RIMS2: variants seen among roughly 807,000 people sequenced by gnomAD.
RIMS2 encodes the protein regulating synaptic membrane exocytosis 2, also known as regulating synaptic membrane exocytosis protein 2.
In RIMS2, 59 loss-of-function variants were observed where a neutral mutation model predicts 174.4. The ratio of observed to expected loss-of-function variants is 0.34; its 90% CI spans 0.27 to 0.42. RIMS2 has a LOEUF of 0.42. Among genes scored for constraint, RIMS2 ranks in the 10% least tolerant of loss-of-function variants. The pLI is 1.00. For missense variants in RIMS2, 1,620 were observed against 1,666.3 expected (o/e 0.97, Z 0.48); for synonymous variants, 606 against 572.5 (o/e 1.06, Z -0.84).
intron 1 of RIMS2, among the ~76,000 whole-genome samples, chr8:103,676,994 A>G (rs2096823284): frequency 6.6e-6 from 1 of 152,134 alleles, no homozygotes; most frequent in African/African-American, 2.4e-5. Context: ...AAATAAATAA[A>G]ATATACTTTT....
chr8:104,139,130 T>C (rs952602536), intron 19 of RIMS2, among the ~76,000 whole-genome samples: 1 of 152,164 alleles, frequency 6.6e-6, no homozygotes, highest in African/African-American at 2.4e-5. Context: ...TCTATATGTC[T>C]GTTTTTATTC....
chr8:103,552,384 C>T (rs1390386522), intron 1 of RIMS2, among the ~76,000 whole-genome samples: 1 of 152,158 alleles, frequency 6.6e-6, no homozygotes, highest in Non-Finnish European at 1.5e-5. Flanking sequence ...GCTGGGAAAA[C>T]TGGCTAGCCA....
At chr8:104,047,828 T>A (rs1395193390) in intron 19 of RIMS2, among the ~76,000 whole-genome samples, 1 of 152,100 alleles carries the variant, frequency 6.6e-6, no homozygotes, top group Non-Finnish European at 1.5e-5. Context: ...CCTGTACTCT[T>A]AAGCTTTATC....
chr8:104,222,459 C>T (rs2138581653), intron 19 of RIMS2, among the ~76,000 whole-genome samples: 1 of 152,318 alleles, frequency 6.6e-6, no homozygotes, highest in East Asian at 1.9e-4. Flanking sequence ...TCCCCTATTA[C>T]ACACGCCCAG....
chr8:103,692,308 C>G (rs999226264), intron 1 of RIMS2, among the ~76,000 whole-genome samples: 19 of 152,238 alleles, frequency 1.2e-4, no homozygotes, highest in African/African-American at 4.3e-4. Flanking sequence ...GAGTTGCTTC[C>G]TCTTCCCAGA....
chr8:104,065,085 C>A (rs2097081128), intron 19 of RIMS2, among the ~76,000 whole-genome samples: 1 of 151,842 alleles, frequency 6.6e-6, no homozygotes, highest in Non-Finnish European at 1.5e-5. Flanking sequence ...ATTATTTCAA[C>A]AATATATAAA....
At chr8:104,101,834 CTTTA>C (rs1261893577) in intron 19 of RIMS2, among the ~76,000 whole-genome samples, 1 of 152,110 alleles carries the variant, frequency 6.6e-6, no homozygotes, top group Non-Finnish European at 1.5e-5. Flanking sequence ...ATCAGGCAAA[CTTTA>C]TTTAGAATTT....
intron 19 of RIMS2, among the ~76,000 whole-genome samples, chr8:104,170,180 G>T (rs968535292): frequency 1.3e-5 from 2 of 151,962 alleles, no homozygotes; most frequent in African/African-American, 2.4e-5. Flanking sequence ...TGTTAAGTTC[G>T]TTTGTTCTAT....
At chr8:103,846,629 A>G (rs1025418817) in intron 3 of RIMS2, among the ~76,000 whole-genome samples, 2 of 152,212 alleles carry the variant, frequency 1.3e-5, no homozygotes, top group South Asian at 2.1e-4. Flanking sequence ...GATAAAGGAG[A>G]TTTGGATAAG....
In RIMS2 at chr8:103,590,265, G is replaced by A. The variant is rs534011426; in HGVS notation, c.176+89203G>A. Among the ~76,000 whole-genome samples, 170 of 151,402 alleles carry A rather than the reference G, an allele frequency of 1.1e-3. No individual in the cohort carries two copies. The South Asian group carries it at 0.012, about 11-fold the overall frequency. ...ACAAAAAAGAGAAAAACCTCAACGT[G>A]TCACCAAAAAACTGTTAGAACTTTT... On this transcript the variant is annotated intron_variant, in intron 1 of 23. Coordinates refer to ENST00000504942, the Ensembl canonical transcript of RIMS2.
intron 19 of RIMS2, among the ~76,000 whole-genome samples, chr8:104,104,185 TA>T (rs2097977568): frequency 6.6e-6 from 1 of 152,178 alleles, no homozygotes; most frequent in African/African-American, 2.4e-5. Flanking sequence ...TATAAGAGTT[TA>T]AAAGTTGAGT....
intron 3 of RIMS2, among the ~76,000 whole-genome samples, chr8:103,825,772 G>A (rs953490023): frequency 9.9e-5 from 15 of 151,908 alleles, no homozygotes; most frequent in Admixed American, 7.2e-4. Context: ...GGATCATAGC[G>A]TGGGTGTATG....
At chr8:103,936,368 G>A (rs1595463210) in intron 12 of RIMS2, among the ~76,000 whole-genome samples, 183 bp from the exon 15 acceptor site, 2 of 152,044 alleles carry the variant, frequency 1.3e-5, no homozygotes, top group African/African-American at 2.4e-5. Flanking sequence ...TACCTATAAA[G>A]TGTGATATAG....
chr8:104,093,451 T>C lies in RIMS2; in HGVS notation c.3334+78836T>C. 1 of 1,550,474 alleles carries C rather than the reference T, an allele frequency of 6.4e-7. No homozygotes were observed. Among genetic ancestry groups the C allele is most frequent in the Non-Finnish European group, 8.7e-7 (1 of 1,149,084 alleles). ...GGTAATACTGACAACTTCTGCGTAT[T>C]TGTCAATCTGTGTTAACAGTATCGA... On this transcript the variant is annotated intron_variant, in intron 19 of 23. Transcript: ENST00000504942.
intron 19 of RIMS2, among the ~76,000 whole-genome samples, chr8:104,083,287 A>G (rs2097461668): frequency 6.6e-6 from 1 of 152,146 alleles, no homozygotes; most frequent in Non-Finnish European, 1.5e-5. Context: ...CTAAAGTACT[A>G]ATAATTGAAA....
chr8:103,538,166 C>T (rs1840722026), intron 1 of RIMS2, among the ~76,000 whole-genome samples: 1 of 152,000 alleles, frequency 6.6e-6, no homozygotes, highest in Non-Finnish European at 1.5e-5. Flanking sequence ...TTGATAGAAA[C>T]CAACAAAGAC....
intron 3 of RIMS2, among the ~76,000 whole-genome samples, chr8:103,816,075 A>C (rs1023120373): frequency 6.6e-6 from 1 of 152,184 alleles, no homozygotes; most frequent in Non-Finnish European, 1.5e-5. Flanking sequence ...AACCTGCACT[A>C]TATTGAAAAT....
intron 3 of RIMS2, chr8:103,880,443 A>C (rs1368162555): frequency 2.8e-6 from 1 of 360,728 alleles, no homozygotes; most frequent in Non-Finnish European, 4.9e-6. Context: ...TAACAGGCCC[A>C]TCACTAGAGG....
At chr8:104,140,670 C>T (rs1294218873) in intron 19 of RIMS2, among the ~76,000 whole-genome samples, 1 of 152,126 alleles carries the variant, frequency 6.6e-6, no homozygotes, top group Non-Finnish European at 1.5e-5. Flanking sequence ...TTTCAGTCCC[C>T]GTATGCCAGA....
Sources: allele counts gnomAD v4.1 joint callset (sites outside exome capture counted in the v4.1 genomes callset), GRCh38; gene constraint gnomAD v4.1.1; transcripts MANE v1.5; gene names NCBI Gene and HGNC (gene_info 2026-07-23, HGNC 2026-07-21).